BMPER: variants seen among roughly 807,000 people sequenced by gnomAD.
BMPER encodes the protein BMP-binding endothelial regulator protein.
Under a neutral mutation model 87.3 loss-of-function variants are expected in BMPER, and 45 were observed. That is an observed-to-expected ratio of 0.52 (90% confidence interval 0.41 to 0.66). BMPER has a LOEUF of 0.66. Ranked by LOEUF, BMPER falls within the 30% of genes least tolerant of loss-of-function variation. The pLI is 0.00. For missense variants in BMPER, 784 were observed against 867.5 expected, an observed-to-expected ratio of 0.90 and a Z score of 1.21; for synonymous variants, 326 against 316.2, an observed-to-expected ratio of 1.03 and a Z score of -0.33.
At chr7:33,999,763 T>G (rs1043240782) in intron 6 of BMPER, among the ~76,000 whole-genome samples, 1 of 152,170 alleles carries the variant, frequency 6.6e-6, no homozygotes, top group African/African-American at 2.4e-5. Flanking sequence ...AACCTGAGGC[T>G]TGGGAATGAT....
At chr7:34,143,407 C>A (rs765675716) in intron 14 of BMPER, 47 bp downstream of exon 14, 11 of 1,611,116 alleles carry the variant, frequency 6.8e-6, no homozygotes, top group Non-Finnish European at 7.6e-6. Flanking sequence ...TACTGCAATG[C>A]CCAAGATGGC....
At chr7:34,027,791 A>AT (rs1481551853) in intron 6 of BMPER, among the ~76,000 whole-genome samples, 1 of 152,092 alleles carries the variant, frequency 6.6e-6, no homozygotes, top group Non-Finnish European at 1.5e-5. Context: ...ATTTTGAAAA[A>AT]TTTTTATCTC....
In BMPER at chr7:34,079,032, C is replaced by G. The variant is rs745920962; in HGVS notation, c.1254C>G (p.Thr418=). 1.7e-5 allele frequency: 28 copies of G among 1,614,068 alleles called. No individual in the cohort carries two copies. The South Asian group carries it at 3.0e-4, about 17-fold the overall frequency. The change falls in exon 12 of 15, where the codon ACC becomes ACG. Residue 418 remains threonine, a synonymous_variant. Transcript: ENST00000649409. ...DARRTRSFSW[T]KSVELVLGES... ...GCCGGACACGCTCCTTCTCGTGGAC[C>G]AAGTCGGTGGAGCTGGTGCTGGGCG...
intron 13 of BMPER, among the ~76,000 whole-genome samples, chr7:34,102,879 G>A (rs1010474734): frequency 1.3e-5 from 2 of 152,194 alleles, no homozygotes. Context: ...GAGATGGAGA[G>A]CAAAGCTGGC....
At chr7:34,097,953 C>T (rs1043747278) in intron 13 of BMPER, among the ~76,000 whole-genome samples, 9 of 151,894 alleles carry the variant, frequency 5.9e-5, no homozygotes, top group Admixed American at 2.0e-4. Flanking sequence ...GATTTGAGCT[C>T]GGTGGCATTT....
chr7:34,125,656 C>G (rs1455562812), intron 13 of BMPER, among the ~76,000 whole-genome samples: 1 of 152,094 alleles, frequency 6.6e-6, no homozygotes. Flanking sequence ...TAAATTGCTC[C>G]CAGCATGACA....
intron 6 of BMPER, among the ~76,000 whole-genome samples, chr7:34,042,397 T>C (rs1358309620): frequency 1.3e-5 from 2 of 152,326 alleles, no homozygotes; most frequent in African/African-American, 4.8e-5. Context: ...CATTTGTCCT[T>C]ATGTATTTTA....
chr7:34,072,304 A>G (rs1477024732), intron 11 of BMPER, among the ~76,000 whole-genome samples: 1 of 152,104 alleles, frequency 6.6e-6, no homozygotes, highest in Non-Finnish European at 1.5e-5. Flanking sequence ...ATTACCACTC[A>G]CTGGCTTAAC....
chr7:34,057,949 G>C (rs75853713), intron 9 of BMPER, 110 bp from the exon 10 acceptor site: 11 of 864,500 alleles, frequency 1.3e-5, no homozygotes, highest in Non-Finnish European at 2.1e-5. Context: ...TAATGATGGC[G>C]TCCCTCACTC....
chr7:34,137,774 T>C (rs1395539356), intron 13 of BMPER, among the ~76,000 whole-genome samples: 1 of 152,186 alleles, frequency 6.6e-6, no homozygotes, highest in African/African-American at 2.4e-5. Context: ...ATTCTATGAT[T>C]TGGTAAAAGA....
At chr7:34,095,136 A>C (rs1285407729) in intron 13 of BMPER, among the ~76,000 whole-genome samples, 1 of 152,234 alleles carries the variant, frequency 6.6e-6, no homozygotes, top group African/African-American at 2.4e-5. Context: ...AAGGTGCAGA[A>C]AAGATAATTA....
intron 6 of BMPER, among the ~76,000 whole-genome samples, chr7:33,985,268 A>G (rs1001880254): frequency 1.3e-5 from 2 of 152,192 alleles, no homozygotes; most frequent in Admixed American, 6.5e-5. Context: ...ATATGTACCT[A>G]TAATTCTGTA....
intron 6 of BMPER, among the ~76,000 whole-genome samples, chr7:34,010,761 A>C (rs1304059690): frequency 1.3e-5 from 2 of 151,858 alleles, no homozygotes; most frequent in African/African-American, 4.8e-5. Flanking sequence ...TTTGCGTGGG[A>C]TGATATTCTA....
At chr7:34,148,518 A>G (rs1020616367) in intron 14 of BMPER, among the ~76,000 whole-genome samples, 2 of 106,308 alleles carry the variant, frequency 1.9e-5, no homozygotes, top group African/African-American at 5.9e-5. Context: ...TGCCTGGCAC[A>G]TAGATACTCA....
At chr7:33,958,773 A>G (rs982667020) in intron 3 of BMPER, among the ~76,000 whole-genome samples, 2 of 152,068 alleles carry the variant, frequency 1.3e-5, no homozygotes, top group Non-Finnish European at 2.9e-5. Context: ...GTGGAGTTAG[A>G]TGTGCTACCT....
At chr7:33,964,254 A>G (rs945789171) in intron 3 of BMPER, among the ~76,000 whole-genome samples, 1 of 152,166 alleles carries the variant, frequency 6.6e-6, no homozygotes, top group African/African-American at 2.4e-5. Flanking sequence ...TGATATACTG[A>G]AGTCTCCATA....
chr7:34,102,794 G>A (rs550271721), intron 13 of BMPER, among the ~76,000 whole-genome samples: 1 of 152,254 alleles, frequency 6.6e-6, no homozygotes, highest in East Asian at 1.9e-4. Context: ...TAGAGTGGGG[G>A]TGTGGATGAA....
rs539843562 is a variant in BMPER, at chr7:33,906,190, A to G, written c.133+444A>G. On this transcript the variant is annotated intron_variant, in intron 1 of 14. Coordinates refer to ENST00000649409, the MANE Select transcript of BMPER (RefSeq NM_001365308.1). ...GAATTTAAAGAAACTATCATTTAAA[A>G]AGGGCACTAATAGCCGGATATAATA... Among the ~76,000 whole-genome samples the G allele has an allele frequency of 2.2e-3, 340 of 152,310 alleles. 1 individual carries two copies. Among genetic ancestry groups the G allele is most frequent in the African/African-American group, 7.6e-3 (317 of 41,560 alleles).
chr7:34,139,600 A>G (rs1790811015), intron 13 of BMPER, among the ~76,000 whole-genome samples: 1 of 152,220 alleles, frequency 6.6e-6, no homozygotes, highest in East Asian at 1.9e-4. Context: ...AATTAAGGAG[A>G]ACCGCAATCC....
Sources: gnomAD v4.1 joint callset for allele counts (sites outside exome capture counted in the v4.1 genomes callset) on GRCh38, gnomAD v4.1.1 for gene constraint, MANE v1.5 for transcripts, NCBI Gene and HGNC (gene_info 2026-07-23, HGNC 2026-07-21) for gene names.